The following HS6ST3 variants were observed in gnomAD, a reference collection of about 807,000 sequenced individuals.
The protein encoded by HS6ST3 is heparan-sulfate 6-O-sulfotransferase 3.
Under a neutral mutation model 36.7 loss-of-function variants are expected in HS6ST3, and 12 were observed. That is an observed-to-expected ratio of 0.33 (90% CI 0.21 to 0.53). The LOEUF (loss-of-function observed/expected upper bound fraction) is 0.53, where lower values mean the gene tolerates loss of function less well. Among genes scored for constraint, HS6ST3 ranks in the 20% least tolerant of loss-of-function variants. The pLI, the probability that HS6ST3 is intolerant of heterozygous loss-of-function variation, is 0.95. For missense variants in HS6ST3, 584 were observed against 640.9 expected, an observed-to-expected ratio of 0.91 and a Z score of 0.96; for synonymous variants, 240 against 257.5, an observed-to-expected ratio of 0.93 and a Z score of 0.65.
intron 1 of HS6ST3, among the ~76,000 whole-genome samples, chr13:96,463,750 G>C (rs746141230): frequency 6.6e-6 from 1 of 152,008 alleles, no homozygotes; most frequent in Non-Finnish European, 1.5e-5. Flanking sequence ...GTAAGAAAAA[G>C]ACAATTCAGT....
chr13:96,793,885 A>T (rs1355963198), intron 1 of HS6ST3, among the ~76,000 whole-genome samples: 1 of 151,980 alleles, frequency 6.6e-6, no homozygotes, highest in Admixed American at 6.6e-5. Flanking sequence ...ATGCTCTGGG[A>T]CCTATATGCT....
At chr13:96,495,342 G>T (rs941674100) in intron 1 of HS6ST3, among the ~76,000 whole-genome samples, 1 of 151,954 alleles carries the variant, frequency 6.6e-6, no homozygotes, top group African/African-American at 2.4e-5. Flanking sequence ...TTTACTTTTG[G>T]TTTTTGGCTA....
At chr13:96,746,778 C>A (rs1254833555) in intron 1 of HS6ST3, among the ~76,000 whole-genome samples, 1 of 151,982 alleles carries the variant, frequency 6.6e-6, no homozygotes, top group Non-Finnish European at 1.5e-5. Context: ...GGTATTATAT[C>A]TTTTGATTTC....
At chr13:96,726,074 G>A (rs1037406969) in intron 1 of HS6ST3, among the ~76,000 whole-genome samples, 3 of 152,106 alleles carry the variant, frequency 2.0e-5, no homozygotes, top group South Asian at 2.1e-4. Flanking sequence ...CTGACCTTAC[G>A]ATCCACCCTC....
chr13:96,675,479 G>C (rs972210240), intron 1 of HS6ST3, among the ~76,000 whole-genome samples: 1 of 152,072 alleles, frequency 6.6e-6, no homozygotes, highest in Admixed American at 6.6e-5. Context: ...AGAAGAAAGA[G>C]CATTTGGGTT....
chr13:96,587,645 C>T (rs1353916161), intron 1 of HS6ST3, among the ~76,000 whole-genome samples: 1 of 152,174 alleles, frequency 6.6e-6, no homozygotes, highest in Non-Finnish European at 1.5e-5. Flanking sequence ...ACCACTTACT[C>T]TTGTGATAAT....
chr13:96,487,054 A>C (rs1002171019), intron 1 of HS6ST3, among the ~76,000 whole-genome samples: 4 of 152,164 alleles, frequency 2.6e-5, no homozygotes, highest in African/African-American at 9.6e-5. Context: ...GACCCTGTTC[A>C]ATTATCAATT....
intron 1 of HS6ST3, among the ~76,000 whole-genome samples, chr13:96,529,833 A>G (rs1392374096): frequency 6.6e-6 from 1 of 152,178 alleles, no homozygotes; most frequent in East Asian, 1.9e-4. Flanking sequence ...CTTATCTTTT[A>G]TTATACAAGA....
intron 1 of HS6ST3, among the ~76,000 whole-genome samples, chr13:96,617,609 C>G (rs775901382): frequency 2.0e-5 from 3 of 152,150 alleles, no homozygotes; most frequent in Non-Finnish European, 4.4e-5. Flanking sequence ...AAAAGGAAAC[C>G]TGAAATATAC....
intron 1 of HS6ST3, among the ~76,000 whole-genome samples, chr13:96,825,003 G>A (rs1878619307): frequency 2.0e-5 from 3 of 152,156 alleles, no homozygotes; most frequent in Admixed American, 2.0e-4. Flanking sequence ...GTGCATGAGG[G>A]GATCTCTGGT....
chr13:96,323,805 A>G (rs1202889714), intron 1 of HS6ST3, among the ~76,000 whole-genome samples: 1 of 152,132 alleles, frequency 6.6e-6, no homozygotes, highest in Non-Finnish European at 1.5e-5. Context: ...TATATTTTAC[A>G]TCTTAATTTG....
At chr13:96,726,825 C>T (rs1289552181) in intron 1 of HS6ST3, among the ~76,000 whole-genome samples, 1 of 151,830 alleles carries the variant, frequency 6.6e-6, no homozygotes, top group Non-Finnish European at 1.5e-5. Context: ...ACATTATTTC[C>T]AGTGAGAAAT....
chr13:96,458,673 G>A (rs2055766360), intron 1 of HS6ST3, among the ~76,000 whole-genome samples: 1 of 151,758 alleles, frequency 6.6e-6, no homozygotes, highest in African/African-American at 2.4e-5. Context: ...TTGAACTGCA[G>A]TTTGAGATTT....
At chr13:96,550,233 G>T (rs534310698) in intron 1 of HS6ST3, among the ~76,000 whole-genome samples, 2 of 152,126 alleles carry the variant, frequency 1.3e-5, no homozygotes, top group South Asian at 2.1e-4. Flanking sequence ...CTGTCCTCCT[G>T]GTGATGAGTG....
At chr13:96,109,027 A>G (rs943152878) in intron 1 of HS6ST3, among the ~76,000 whole-genome samples, 1 of 151,860 alleles carries the variant, frequency 6.6e-6, no homozygotes, top group Non-Finnish European at 1.5e-5. Flanking sequence ...TTTATATTGT[A>G]ACTATGTTTA....
intron 1 of HS6ST3, among the ~76,000 whole-genome samples, chr13:96,776,062 A>G (rs1362368283): frequency 6.6e-6 from 1 of 152,236 alleles, no homozygotes; most frequent in Non-Finnish European, 1.5e-5. Context: ...AACTACATGG[A>G]AACTGAACAA....
intron 1 of HS6ST3, among the ~76,000 whole-genome samples, chr13:96,375,669 C>T (rs2055311289): frequency 6.6e-6 from 1 of 152,116 alleles, no homozygotes; most frequent in South Asian, 2.1e-4. Flanking sequence ...GCGACAAAAG[C>T]CAATTAACAT....
chr13:96,303,371 G>C (rs1487987072), intron 1 of HS6ST3, among the ~76,000 whole-genome samples: 9 of 152,152 alleles, frequency 5.9e-5, no homozygotes, highest in Non-Finnish European at 1.0e-4. Context: ...CTGACCTTGT[G>C]GGCTACAAAA....
At chr13:96,619,083 A>G (rs1289447516) in intron 1 of HS6ST3, among the ~76,000 whole-genome samples, 1 of 152,158 alleles carries the variant, frequency 6.6e-6, no homozygotes, top group East Asian at 1.9e-4. Context: ...TCTTCTCTAA[A>G]AGTCAAATTG....
Sources: allele counts gnomAD v4.1 joint callset (sites outside exome capture counted in the v4.1 genomes callset), GRCh38; gene constraint gnomAD v4.1.1; transcripts MANE v1.5; gene names NCBI Gene and HGNC (gene_info 2026-07-23, HGNC 2026-07-21).